The following SIN3B variants were observed in gnomAD, a reference collection of about 807,000 sequenced individuals.
SIN3B encodes the protein paired amphipathic helix protein Sin3b.
SIN3B carries 19 observed loss-of-function variants against 120.2 expected under a neutral mutation model. The observed-to-expected ratio is 0.16, with a 90% CI of 0.11 to 0.23. SIN3B has a LOEUF of 0.23. Among genes scored for constraint, SIN3B ranks in the 10% least tolerant of loss-of-function variants. SIN3B has a pLI of 1.00. For missense variants in SIN3B, 1,073 were observed against 1,573.0 expected (o/e 0.68, Z 5.38); for synonymous variants, 654 against 653.2 (o/e 1.00, Z -0.02).
chr19:16,856,827 C>T (rs1007019228), intron 8 of SIN3B, among the ~76,000 whole-genome samples: 40 of 152,298 alleles, frequency 2.6e-4, no homozygotes, highest in Admixed American at 1.1e-3. Flanking sequence ...CTGCCTCAGT[C>T]TCCCAACGTG....
At chr19:16,843,475 A>G (rs1405946174) in intron 4 of SIN3B, among the ~76,000 whole-genome samples, 3 of 152,220 alleles carry the variant, frequency 2.0e-5, no homozygotes, top group Non-Finnish European at 4.4e-5. Context: ...CTTGTTTGTC[A>G]TGGATGAGTG....
At chr19:16,851,303 C>T in intron 5 of SIN3B, 109 bp from the exon 6 acceptor site, 2 of 1,342,998 alleles carry the variant, frequency 1.5e-6, no homozygotes, top group Non-Finnish European at 2.0e-6. Flanking sequence ...GTGCCCGTGG[C>T]CACCATTGCC....
chr19:16,874,573 T>C (rs941457114), intron 14 of SIN3B, among the ~76,000 whole-genome samples: 3 of 150,832 alleles, frequency 2.0e-5, no homozygotes, highest in African/African-American at 7.3e-5. Flanking sequence ...TTGGTCTGAT[T>C]TGGTCTGGTC....
At chr19:16,871,800 T>C (rs1238600135) in intron 14 of SIN3B, among the ~76,000 whole-genome samples, 1 of 152,196 alleles carries the variant, frequency 6.6e-6, no homozygotes, top group South Asian at 2.1e-4. Flanking sequence ...ACGTTTTGTT[T>C]CTATCTCTTG....
In SIN3B at chr19:16,862,951, C is replaced by T; in HGVS notation, c.1266+392C>T. On this transcript the variant is annotated intron_variant, in intron 9 of 18. Transcript: ENST00000248054. This position sits in a 1 kb window ranked among gnomAD's most constrained non-coding sequence, Gnocchi z 4.7. ...TACTGCATGTCCAAGTTCAAGAATA[C>T]CTGCTGGATTCCAGGATATAGTGCA... 1 of 1,614,174 alleles carries T rather than the reference C, an allele frequency of 6.2e-7. No individual in the cohort carries two copies. Among genetic ancestry groups the T allele is most frequent in the Non-Finnish European group, 8.5e-7 (1 of 1,179,966 alleles).
intron 4 of SIN3B, among the ~76,000 whole-genome samples, chr19:16,842,362 CA>C (rs1416579607): frequency 6.6e-6 from 1 of 151,100 alleles, no homozygotes; most frequent in Non-Finnish European, 1.5e-5. Context: ...CTCAGCCTCC[CA>C]AAGTGCTGGG....
intron 8 of SIN3B, among the ~76,000 whole-genome samples, chr19:16,858,453 A>T (rs1405345745): frequency 6.6e-6 from 1 of 152,058 alleles, no homozygotes; most frequent in African/African-American, 2.4e-5. Flanking sequence ...AACTGCTTTC[A>T]TATCATCTTC....
intron 8 of SIN3B, among the ~76,000 whole-genome samples, chr19:16,860,474 A>T (rs932949099): frequency 4.6e-5 from 7 of 151,588 alleles, no homozygotes; most frequent in Middle Eastern, 3.4e-3. Context: ...GGGTTGGCAT[A>T]GGGTTCTTAA....
intron 6 of SIN3B, among the ~76,000 whole-genome samples, chr19:16,852,189 C>T (rs1290751982): frequency 2.6e-5 from 4 of 152,108 alleles, no homozygotes; most frequent in Admixed American, 1.3e-4. Context: ...TGCAGTGGCG[C>T]GATCTCGGCT....
chr19:16,868,627 G>C (rs374884505), intron 12 of SIN3B, among the ~76,000 whole-genome samples: 2 of 152,354 alleles, frequency 1.3e-5, no homozygotes, highest in African/African-American at 2.4e-5. Context: ...CCCTGCACAC[G>C]CAGGAGGGAG....
rs1300537825 is a variant in SIN3B at position 16,876,153 on chromosome 19, C to T, written c.2691C>T (p.Arg897=). The stretch of plus-strand genomic sequence containing the variant: ...CCGCTGGTGGGAACCTGTCCTCCCG[C>T]TGCGTCCGCGCTGCTAGGGAGACCA... The part of the protein sequence containing the change: ...RGAAGGNLSS[R]CVRAARETSY... Residue 897 remains arginine, a synonymous_variant, in exon 15 of 19, where the codon CGC becomes CGT. Coordinates refer to ENST00000248054, the MANE Select transcript of SIN3B (RefSeq NM_001297595.2). The surrounding 1 kb of genome is among the most constrained non-coding windows in gnomAD (Gnocchi z 7.1). 6.2e-7 allele frequency: 1 copy of T among 1,612,598 alleles called. No individual in the cohort carries two copies. Among genetic ancestry groups the T allele is most frequent in the Non-Finnish European group, 8.5e-7 (1 of 1,179,788 alleles).
chr19:16,870,387 C>CTT (rs397859319), intron 13 of SIN3B, among the ~76,000 whole-genome samples: 5 of 142,188 alleles, frequency 3.5e-5, no homozygotes, highest in African/African-American at 7.8e-5. Flanking sequence ...CTTTTTCTTT[C>CTT]TTTTTTTTTT....
intron 10 of SIN3B, among the ~76,000 whole-genome samples, chr19:16,864,332 T>C (rs1052864459): frequency 6.6e-6 from 1 of 152,022 alleles, no homozygotes; most frequent in African/African-American, 2.4e-5. Flanking sequence ...AATTTATTTT[T>C]ATTTTATTTA....
chr19:16,876,300 G>A lies in SIN3B; in HGVS notation c.2766+72G>A. ...TCACTCCGCTCTGGACTCAGTCCTG[G>A]GTGGACCCTGGTTCAGCGGCTGGGA... On this transcript the variant is annotated intron_variant, in intron 15 of 18. Coordinates refer to ENST00000248054, the MANE Select transcript of SIN3B (RefSeq NM_001297595.2). The surrounding 1 kb of genome is among the most constrained non-coding windows in gnomAD (Gnocchi z 7.1). The A allele has an allele frequency of 2.0e-6, 3 of 1,523,130 alleles. No homozygotes were observed. The highest frequency in any genetic ancestry group is 1.4e-5 in the African/African-American group (1 of 73,288). The allele number at this position is 1,523,130 out of a possible 1,614,324, so 94.4% of individuals were successfully genotyped here. A position where few individuals can be genotyped will look rare whatever the true frequency, so the allele number is the denominator to read the frequency against.
rs889070962 is a variant in SIN3B at position 16,870,042 on chromosome 19, G to A, written c.2389G>A (p.Asp797Asn). 7 of 1,607,230 alleles carry A rather than the reference G, an allele frequency of 4.4e-6. No individual in the cohort carries two copies. The highest frequency in any genetic ancestry group is 4.5e-5 in the East Asian group (2 of 44,706). ...TGAGGGCCGCAGGGAGAAGGGCAGC[G>A]ACCCCGCCATGGAGCTGCGGCTGAA... ...LCEGRREKGSDPAMELRLKQP... is the reference protein window; with the variant it reads ...LCEGRREKGSNPAMELRLKQP... The change falls in exon 13 of 19, where the codon GAC becomes AAC. Residue 797 changes from aspartate to asparagine, a missense_variant. Physicochemically the swap from Asp to Asn is conservative, Grantham distance 23. Coordinates refer to ENST00000248054, the MANE Select transcript of SIN3B (RefSeq NM_001297595.2).
chr19:16,870,292 G>A (rs1003934511), intron 13 of SIN3B, among the ~76,000 whole-genome samples: 7 of 152,202 alleles, frequency 4.6e-5, no homozygotes, highest in Admixed American at 1.3e-4. Context: ...CACCTGTCCT[G>A]GGTGTAGCAC....
At position 16,862,612 on chromosome 19, in the gene SIN3B, T is replaced by TC; in HGVS notation, c.1266+57dup. On this transcript the variant is annotated intron_variant, in intron 9 of 18. Coordinates refer to ENST00000248054, the MANE Select transcript of SIN3B (RefSeq NM_001297595.2). The surrounding 1 kb of genome is among the most constrained non-coding windows in gnomAD (Gnocchi z 4.7). Reference sequence around the variant, plus strand: ...GTTGACATGGTGCATCCCCCACCCCTCCCCAGCAAACACCCGATACCCCCG... The same window carrying TC: ...GTTGACATGGTGCATCCCCCACCCCTCCCCCAGCAAACACCCGATACCCCCG... The TC allele has an allele frequency of 5.4e-6, 8 of 1,492,108 alleles. No individual in the cohort carries two copies. Among genetic ancestry groups the TC allele is most frequent in the Non-Finnish European group, 7.4e-6 (8 of 1,083,410 alleles). The allele number at this position is 1,492,108 out of a possible 1,614,324, so 92.4% of individuals were successfully genotyped here. A position where few individuals can be genotyped will look rare whatever the true frequency, so the allele number is the denominator to read the frequency against.
At position 16,865,508 on chromosome 19, in the gene SIN3B, C is replaced by T. The variant is rs1210474559; in HGVS notation, c.1482C>T (p.Phe494=). 3 of 1,613,564 alleles carry T rather than the reference C, an allele frequency of 1.9e-6. No individual in the cohort carries two copies. Among genetic ancestry groups the T allele is most frequent in the Non-Finnish European group, 2.5e-6 (3 of 1,179,796 alleles). ...TGGCGCCGGAAGACCAGGAGAAGTT[C>T]CGGCTGGACGACTCCCTGGGAGGCA... is the stretch of plus-strand genomic sequence containing the variant. ...SRMAPEDQEK[F]RLDDSLGGTS... Residue 494 remains phenylalanine (F), a synonymous_variant, in exon 11 of 19, where the codon TTC becomes TTT. Transcript: ENST00000248054.
In SIN3B at chr19:16,863,811, G is replaced by A. The variant is rs1971722766; in HGVS notation, c.1383+15G>A. The stretch of plus-strand genomic sequence containing the variant: ...AGCGCTTCGAGGTGTGTGTGCTGCT[G>A]TGGCCGGGTCCCCCGGCATGTGCCT... On this transcript the variant is annotated intron_variant, in intron 10 of 18. Transcript: ENST00000248054. 1 of 1,589,976 alleles carries A rather than the reference G, an allele frequency of 6.3e-7. No homozygotes were observed. The highest frequency in any genetic ancestry group is 1.3e-5 in the African/African-American group (1 of 74,514).
Sources: gnomAD v4.1 joint callset for allele counts (sites outside exome capture counted in the v4.1 genomes callset) on GRCh38, gnomAD v4.1.1 for gene constraint, Gnocchi (gnomAD v3.1) non-coding constraint, MANE v1.5 for transcripts, NCBI Gene and HGNC (gene_info 2026-07-23, HGNC 2026-07-21) for gene names.